PAXBP1: variants seen among roughly 807,000 people sequenced by gnomAD.
PAXBP1 encodes PAX3- and PAX7-binding protein 1.
Under a neutral mutation model 119.9 loss-of-function variants are expected in PAXBP1, and 44 were observed. The ratio of observed to expected loss-of-function variants is 0.37; its 90% confidence interval spans 0.29 to 0.47. The LOEUF (loss-of-function observed/expected upper bound fraction) is 0.47, where lower values mean the gene tolerates loss of function less well. PAXBP1 is among the 20% of genes least tolerant of loss of function. The probability of loss-of-function intolerance (pLI) is 0.99; values close to 1 mark genes in which losing one functional copy is unlikely to be tolerated. For missense variants in PAXBP1, 898 were observed against 1,134.1 expected, an observed-to-expected ratio of 0.79 and a Z score of 2.99; for synonymous variants, 393 against 406.6, an observed-to-expected ratio of 0.97 and a Z score of 0.40.
chr21:32,765,945 G>A (rs2044234424), intron 2 of PAXBP1, among the ~76,000 whole-genome samples: 3 of 152,108 alleles, frequency 2.0e-5, no homozygotes, highest in African/African-American at 7.2e-5. Context: ...GACCAGCCAG[G>A]CCAATATGGT....
At position 32,738,166 on chromosome 21, in the gene PAXBP1, A is replaced by G. The variant is rs2043721155; in HGVS notation, c.2481+7T>C. The G allele has an allele frequency of 6.4e-7, 1 of 1,565,446 alleles. No homozygotes were observed. The highest frequency in any genetic ancestry group is 8.6e-7 in the Non-Finnish European group (1 of 1,163,368). On this transcript the variant is annotated splice_region_variant and intron_variant, in intron 16 of 17. Coordinates refer to ENST00000331923, the MANE Select transcript of PAXBP1 (RefSeq NM_016631.4). ...GCTTTAAAAACTGTACTATGCATTT[A>G]ACTCACATTTTGGGCTTTTTTGATG...
At chr21:32,769,651 G>GC (rs1391172909) in intron 2 of PAXBP1, among the ~76,000 whole-genome samples, 163 bp downstream of exon 2, 64 of 152,272 alleles carry the variant, frequency 4.2e-4, no homozygotes, top group African/African-American at 1.5e-3. Flanking sequence ...CATTTACAAA[G>GC]CATCTGTGTT....
chr21:32,745,163 T>C (rs143158747), intron 12 of PAXBP1, among the ~76,000 whole-genome samples: 2 of 152,336 alleles, frequency 1.3e-5, no homozygotes, highest in African/African-American at 4.8e-5. Context: ...TGTAGAAATG[T>C]TGTCTTGGCA....
At chr21:32,750,022 T>C (rs1372861773) in intron 10 of PAXBP1, among the ~76,000 whole-genome samples, 8 of 152,194 alleles carry the variant, frequency 5.3e-5, no homozygotes, top group Non-Finnish European at 1.0e-4. Context: ...CAGGATGCCA[T>C]TGAGAAAAAT....
At chr21:32,769,478 C>T (rs919205709) in intron 2 of PAXBP1, among the ~76,000 whole-genome samples, 14 of 152,080 alleles carry the variant, frequency 9.2e-5, no homozygotes, top group East Asian at 5.8e-4. Flanking sequence ...AGAATTTGCA[C>T]AACACTCCTT....
In PAXBP1 at chr21:32,752,644, C is replaced by G. The variant is rs112759097; in HGVS notation, c.1508-1426G>C. Reference sequence around the variant, plus strand: ...TTATCAGACCTTACTATCTATCTATCTATTTATTTATTGAGACGGAGTCTT... The same window carrying G: ...TTATCAGACCTTACTATCTATCTATGTATTTATTTATTGAGACGGAGTCTT... On this transcript the variant is annotated intron_variant, in intron 8 of 17. Transcript: ENST00000331923. Among the ~76,000 whole-genome samples, 5 of 151,792 alleles carry G rather than the reference C, an allele frequency of 3.3e-5. 1 individual carries two copies. In the South Asian group the frequency reaches 1.0e-3, roughly 32 times the overall value.
chr21:32,737,289 A>G lies in PAXBP1; in HGVS notation c.2601T>C (p.Ser867=), dbSNP rs2043705872. Residue 867 remains serine (S), a synonymous_variant, in exon 17 of 18, where the codon AGT becomes AGC. Transcript: ENST00000331923. ...VHLADTIYRN[S]IGCSDVEKRN... is the part of the protein sequence containing the mutation. ...TTTTTTCCACATCAGAACACCCGATACTATTTCTATAAATTGTATCCGCTA... is the reference window on the plus strand; with the variant it reads ...TTTTTTCCACATCAGAACACCCGATGCTATTTCTATAAATTGTATCCGCTA... The G allele has an allele frequency of 8.2e-6, 13 of 1,577,758 alleles. No individual in the cohort carries two copies. Among genetic ancestry groups the G allele is most frequent in the Non-Finnish European group, 1.1e-5 (13 of 1,160,776 alleles).
chr21:32,745,086 A>G (rs1487069631), intron 12 of PAXBP1, among the ~76,000 whole-genome samples, 173 bp from the exon 13 acceptor site: 1 of 152,170 alleles, frequency 6.6e-6, no homozygotes, highest in African/African-American at 2.4e-5. Flanking sequence ...AGGGATGTGG[A>G]GAGAGGATAG....
Position 32,743,645 on chromosome 21 carries a change from A to G in PAXBP1, c.2267+33T>C, listed in dbSNP as rs757292590. ...AGCCTTCTCTGAAACACAATGGAGAATATTATCTTTAATGTTCTTCAGAGT... is the reference window on the plus strand; with the variant it reads ...AGCCTTCTCTGAAACACAATGGAGAGTATTATCTTTAATGTTCTTCAGAGT... On this transcript the variant is annotated intron_variant, in intron 14 of 17. Transcript: ENST00000331923. 10 of 1,434,020 alleles carry G rather than the reference A, an allele frequency of 7.0e-6. No individual in the cohort carries two copies. The South Asian group carries it at 9.5e-5, about 14-fold the overall frequency. 88.8% of individuals were successfully genotyped at this position (1,434,020 alleles called of 1,614,324 possible).
chr21:32,764,269 CCTT>C, intron 3 of PAXBP1, 76 bp downstream of exon 3: 1 of 1,381,708 alleles, frequency 7.2e-7, no homozygotes, highest in South Asian at 1.4e-5. Flanking sequence ...TCAGCTAATT[CCTT>C]CTTAATAATC....
intron 17 of PAXBP1, among the ~76,000 whole-genome samples, chr21:32,736,677 TAA>T (rs1328557750): frequency 6.6e-6 from 1 of 152,184 alleles, no homozygotes; most frequent in East Asian, 1.9e-4. Flanking sequence ...ATTAAAATTT[TAA>T]AAAGACAATT....
Position 32,752,631 on chromosome 21 carries a change from ACTAT to A in PAXBP1, c.1508-1417_1508-1414del, listed in dbSNP as rs368520643. Among the ~76,000 whole-genome samples the A allele has an allele frequency of 7.3e-3, 1,113 of 152,272 alleles. 4 individuals carry two copies. Among genetic ancestry groups the A allele is most frequent in the Middle Eastern group, 0.062 (18 of 292 alleles). On this transcript the variant is annotated intron_variant, in intron 8 of 17. Transcript: ENST00000331923. ...CAGAATATCCTAATTATCAGACCTT[ACTAT>A]CTATCTATCTATTTATTTATTGAGA... is the stretch of plus-strand genomic sequence containing the variant.
rs189198715 is a variant in PAXBP1 at position 32,759,976 on chromosome 21, C to T, written c.994G>A (p.Ala332Thr). 25 of 1,613,556 alleles carry T rather than the reference C, an allele frequency of 1.5e-5. No individual in the cohort carries two copies. Among genetic ancestry groups the T allele is most frequent in the Admixed American group, 1.2e-4 (7 of 59,976 alleles). Reference protein sequence around the residue: ...NIPQVQASQPAEVNMYYQNTY... With the variant: ...NIPQVQASQPTEVNMYYQNTY... ...TTCTGGTAGTACATATTCACTTCTGCGGGTTGACTGGCTTGAACCTAGAAA... is the reference window on the plus strand; with the variant it reads ...TTCTGGTAGTACATATTCACTTCTGTGGGTTGACTGGCTTGAACCTAGAAA... Residue 332 changes from alanine to threonine, a missense_variant, in exon 6 of 18, where the codon GCA becomes ACA. Ala to Thr is a moderately conservative substitution (Grantham distance 58). Transcript: ENST00000331923.
intron 16 of PAXBP1, among the ~76,000 whole-genome samples, chr21:32,737,966 GAT>G (rs112423516): frequency 2.7e-5 from 4 of 150,280 alleles, no homozygotes; most frequent in African/African-American, 2.4e-5. Flanking sequence ...GATATAGATG[GAT>G]ATATATATAT....
intron 5 of PAXBP1, 95 bp from the exon 6 acceptor site, chr21:32,760,089 T>C: frequency 1.1e-6 from 1 of 928,130 alleles, no homozygotes; most frequent in South Asian, 1.7e-5. Context: ...GCAAAAATTA[T>C]ACCTATTTGC....
chr21:32,755,958 T>A lies in PAXBP1; in HGVS notation c.1384-605A>T, dbSNP rs1601599767. On this transcript the variant is annotated intron_variant, in intron 7 of 17. Transcript: ENST00000331923. ...AAATAATTACTAGGGCGAATAAAAT[T>A]TCCAGCTATCACTAACCTCTCTGAA... is the stretch of plus-strand genomic sequence containing the variant. 5 of 179,500 alleles carry A rather than the reference T, an allele frequency of 2.8e-5. 1 individual carries two copies. In the Admixed American group the frequency reaches 2.9e-4, roughly 10 times the overall value. The allele number at this position is 179,500 out of a possible 1,614,324, so 11.1% of individuals were successfully genotyped here.
At chr21:32,765,269 G>C (rs530984958) in intron 2 of PAXBP1, among the ~76,000 whole-genome samples, 3 of 152,296 alleles carry the variant, frequency 2.0e-5, no homozygotes, top group South Asian at 4.1e-4. Flanking sequence ...ACAGAGAAGA[G>C]AGCCTCCTAA....
intron 17 of PAXBP1, 91 bp downstream of exon 17, chr21:32,737,159 AAACT>A: frequency 9.6e-7 from 1 of 1,040,632 alleles, no homozygotes; most frequent in Non-Finnish European, 1.3e-6. Context: ...CATACAATTT[AAACT>A]AAAATATAAA....
At chr21:32,741,046 A>C (rs1201584383) in intron 15 of PAXBP1, among the ~76,000 whole-genome samples, 1 of 152,224 alleles carries the variant, frequency 6.6e-6, no homozygotes, top group African/African-American at 2.4e-5. Flanking sequence ...CACCCTGTAG[A>C]ATGACTTAAA....
Sources: allele counts gnomAD v4.1 joint callset (sites outside exome capture counted in the v4.1 genomes callset), GRCh38; gene constraint gnomAD v4.1.1; transcripts MANE v1.5; gene names NCBI Gene and HGNC (gene_info 2026-07-23, HGNC 2026-07-21).